The following FAM222B variants were observed in gnomAD, a reference collection of about 807,000 sequenced individuals.
The protein encoded by FAM222B is family with sequence similarity 222 member B, also known as protein FAM222B.
Under a neutral mutation model 38.0 loss-of-function variants are expected in FAM222B, and 12 were observed. The ratio of observed to expected loss-of-function variants is 0.32; its 90% CI spans 0.20 to 0.51. FAM222B has a LOEUF of 0.51. Ranked by LOEUF, FAM222B falls within the 20% of genes least tolerant of loss-of-function variation. FAM222B has a pLI of 0.97. For synonymous variants in FAM222B, 329 were observed against 317.2 expected, an observed-to-expected ratio of 1.04 and a Z score of -0.40; for missense variants, 716 against 754.2, an observed-to-expected ratio of 0.95 and a Z score of 0.59.
intron 1 of FAM222B, among the ~76,000 whole-genome samples, chr17:28,779,851 A>T (rs775598559): frequency 2.6e-5 from 4 of 152,166 alleles, no homozygotes; most frequent in Non-Finnish European, 5.9e-5. Context: ...TTGGGTATAA[A>T]AGCAATGTAC....
chr17:28,797,087 T>C (rs1339601013), intron 1 of FAM222B, among the ~76,000 whole-genome samples: 1 of 147,916 alleles, frequency 6.8e-6, no homozygotes, highest in African/African-American at 2.5e-5. Flanking sequence ...ACTGCAACCT[T>C]CCCCTCCTGG....
intron 1 of FAM222B, among the ~76,000 whole-genome samples, chr17:28,786,859 GT>G (rs1219118168): frequency 2.8e-5 from 4 of 143,398 alleles, no homozygotes; most frequent in Non-Finnish European, 6.1e-5. Flanking sequence ...GGAGAATGAA[GT>G]TTTACTTATA....
intron 1 of FAM222B, among the ~76,000 whole-genome samples, chr17:28,793,099 C>A (rs894780636): frequency 6.6e-6 from 1 of 151,978 alleles, no homozygotes; most frequent in African/African-American, 2.4e-5. Flanking sequence ...CCACACCTGG[C>A]TAATTTTAAA....
At chr17:28,760,048 G>T (rs2034998193) in intron 2 of FAM222B, among the ~76,000 whole-genome samples, 172 bp from the exon 3 acceptor site, 2 of 152,202 alleles carry the variant, frequency 1.3e-5, no homozygotes, top group African/African-American at 2.4e-5. Context: ...ACATTAACAA[G>T]CACTGCTAAT....
intron 1 of FAM222B, among the ~76,000 whole-genome samples, chr17:28,790,893 T>TAA (rs1567838848): frequency 2.1e-5 from 2 of 96,684 alleles, no homozygotes; most frequent in African/African-American, 7.4e-5. Flanking sequence ...ACTTTTTTTT[T>TAA]TTTTTTTTTT....
At chr17:28,817,518 C>G (rs1047335125) in intron 1 of FAM222B, among the ~76,000 whole-genome samples, 1 of 152,200 alleles carries the variant, frequency 6.6e-6, no homozygotes, top group Middle Eastern at 3.4e-3. Context: ...GTCAGGAGTT[C>G]GAGACCAGCC....
At chr17:28,766,882 C>T in intron 1 of FAM222B, 175 bp from the exon 2 acceptor site, 1 of 535,720 alleles carries the variant, frequency 1.9e-6, no homozygotes, top group South Asian at 2.4e-5. Context: ...AATTTGCTGT[C>T]AAATATCACT....
At position 28,756,714 on chromosome 17, in the gene FAM222B, A is replaced by C. The variant is rs2034713905; in HGVS notation, c.*1556T>G. The C allele has an allele frequency of 6.6e-6, 1 of 152,596 alleles. No individual in the cohort carries two copies. The highest frequency in any genetic ancestry group is 2.4e-5 in the African/African-American group (1 of 41,426). The allele number at this position is 152,596 out of a possible 1,614,324, so 9.5% of individuals were successfully genotyped here. A position where few individuals can be genotyped will look rare whatever the true frequency, so the allele number is the denominator to read the frequency against. On this transcript the variant is annotated 3_prime_UTR_variant, in exon 3 of 3. Transcript: ENST00000581407. Reference sequence around the variant, plus strand: ...ACTTCATGTTGCTATCATTTGGCATAACACAATCAGGCTTTTTTTTTTTTC... The same window carrying C: ...ACTTCATGTTGCTATCATTTGGCATCACACAATCAGGCTTTTTTTTTTTTC...
chr17:28,758,553 T>C lies in FAM222B; in HGVS notation c.1406A>G (p.Gln469Arg). ...ACCGTGGAACGGCATGGCAAGGTCC[T>C]GAGACCCCGAGCTGTCGCTATTGGG... Reference protein sequence around the residue: ...PTPNSDSSGSQDLAMPFHGGQ... With the variant: ...PTPNSDSSGSRDLAMPFHGGQ... Residue 469 changes from glutamine to arginine, a missense_variant, in exon 3 of 3, where the codon CAG (glutamine) becomes CGG (arginine). Transcript: ENST00000581407. The C allele has an allele frequency of 1.2e-6, 2 of 1,610,064 alleles. No homozygotes were observed. Among genetic ancestry groups the C allele is most frequent in the Non-Finnish European group, 1.7e-6 (2 of 1,179,836 alleles).
intron 1 of FAM222B, among the ~76,000 whole-genome samples, chr17:28,795,574 T>C (rs1597943243): frequency 6.6e-6 from 1 of 152,196 alleles, no homozygotes. Context: ...ACTACAGACA[T>C]GTGCCACCAC....
Position 28,775,504 on chromosome 17 carries a change from G to A in FAM222B, c.-40-8797C>T, listed in dbSNP as rs150793483. ...CAGACAAAAAACAACAGCTCCCCTA[G>A]CCCCCAAAAACCCAGGGTGGCCAGC... On this transcript the variant is annotated intron_variant, in intron 1 of 2. Transcript: ENST00000581407. Among the ~76,000 whole-genome samples the A allele has an allele frequency of 3.3e-3, 489 of 149,912 alleles. 3 individuals carry two copies. Among genetic ancestry groups the A allele is most frequent in the African/African-American group, 0.012 (470 of 40,814 alleles).
chr17:28,844,881 A>G (rs910730382), upstream of FAM222B, among the ~76,000 whole-genome samples: 4 of 151,886 alleles, frequency 2.6e-5, no homozygotes, highest in East Asian at 7.8e-4. Flanking sequence ...CGGGCGGATC[A>G]CTTGAAGCCA....
chr17:28,839,208 A>G (rs1342327635), intron 1 of FAM222B, among the ~76,000 whole-genome samples: 2 of 152,152 alleles, frequency 1.3e-5, no homozygotes, highest in East Asian at 3.8e-4. Context: ...CTCCGTCTCA[A>G]AAAATAATAA....
In FAM222B at chr17:28,759,747, C is replaced by T. The variant is rs1285056708; in HGVS notation, c.212G>A (p.Arg71Gln). 4.3e-6 allele frequency: 7 copies of T among 1,613,628 alleles called. No homozygotes were observed. The highest frequency in any genetic ancestry group is 1.1e-5 in the South Asian group (1 of 91,010). The change falls in exon 3 of 3, where the codon CGG (arginine) becomes CAG (glutamine). Residue 71 changes from arginine to glutamine, a missense_variant. Transcript: ENST00000581407. This position sits in a 1 kb window ranked among gnomAD's most constrained non-coding sequence, Gnocchi z 4.8. ...GTTCACAGTACGACGAACGTGTTTC[C>T]GCTGGGGAACCTTCACACTGTTGGG... ...IFPNSVKVPQ[R>Q]KHVRRTVNGL...
chr17:28,766,194 C>T (rs953993244), intron 2 of FAM222B, among the ~76,000 whole-genome samples: 3 of 152,268 alleles, frequency 2.0e-5, no homozygotes, highest in African/African-American at 7.2e-5. Context: ...GTGGCTCACA[C>T]CTGTAATCCC....
chr17:28,760,744 G>A (rs1340458060), intron 2 of FAM222B, among the ~76,000 whole-genome samples: 1 of 152,176 alleles, frequency 6.6e-6, no homozygotes, highest in Non-Finnish European at 1.5e-5. Flanking sequence ...GACCAATGAG[G>A]GATCAGCTTT....
At chr17:28,837,436 A>T (rs12450825) in intron 1 of FAM222B, among the ~76,000 whole-genome samples, 28,545 of 151,276 alleles carry the variant, frequency 0.19, 2,836 homozygotes, top group South Asian at 0.29. Flanking sequence ...TCTCAAAAAA[A>T]AAAAAAATAA....
intron 1 of FAM222B, among the ~76,000 whole-genome samples, chr17:28,784,188 C>T (rs748325376): frequency 1.3e-5 from 2 of 151,980 alleles, no homozygotes; most frequent in Non-Finnish European, 2.9e-5. Flanking sequence ...TACATGTTGG[C>T]TCTTGTGGGG....
intron 1 of FAM222B, chr17:28,849,572 C>G (rs1291851726): frequency 6.6e-6 from 1 of 152,292 alleles, no homozygotes; most frequent in Non-Finnish European, 1.5e-5. Flanking sequence ...CTGCAACACC[C>G]AAGGTTGGTA....
Sources: allele counts gnomAD v4.1 joint callset (sites outside exome capture counted in the v4.1 genomes callset), GRCh38; gene constraint gnomAD v4.1.1; non-coding constraint Gnocchi (gnomAD v3.1); transcripts MANE v1.5; gene names NCBI Gene and HGNC (gene_info 2026-07-23, HGNC 2026-07-21).